The following ZNF148 variants were observed in gnomAD, a reference collection of about 807,000 sequenced individuals.
ZNF148 encodes the protein zinc finger protein 148, also known as Beta-Enolase Repressor Factor-1.
In ZNF148, 7 loss-of-function variants were observed where a neutral mutation model predicts 67.7. The observed-to-expected ratio is 0.10, with a 90% CI of 0.06 to 0.19. The LOEUF (loss-of-function observed/expected upper bound fraction) is 0.19, where lower values mean the gene tolerates loss of function less well. ZNF148 is among the 10% of genes least tolerant of loss of function. The pLI is 1.00. For synonymous variants in ZNF148, 333 were observed against 330.7 expected, an observed-to-expected ratio of 1.01 and a Z score of -0.08; for missense variants, 583 against 947.1, an observed-to-expected ratio of 0.62 and a Z score of 5.05.
At chr3:125,345,486 C>A (rs773285149) in intron 1 of ZNF148, among the ~76,000 whole-genome samples, 4 of 151,178 alleles carry the variant, frequency 2.6e-5, no homozygotes, top group Non-Finnish European at 5.9e-5. Context: ...CAAAATGAAG[C>A]CAAAGCAAGA....
Position 125,226,665 on chromosome 3 carries a change from T to C in ZNF148, c.*5676A>G, listed in dbSNP as rs1180184226. 1.3e-5 allele frequency: 2 copies of C among 152,542 alleles called. No homozygotes were observed. The highest frequency in any genetic ancestry group is 4.8e-5 in the African/African-American group (2 of 41,442). 9.4% of individuals were successfully genotyped at this position (152,542 alleles called of 1,614,324 possible). A position where few individuals can be genotyped will look rare whatever the true frequency, so the allele number is the denominator to read the frequency against. Reference sequence around the variant, plus strand: ...TGTATTATAAAGGCTCAGCAATTCATTCATGGCATAATATAGGGTCAAGCA... The same window carrying C: ...TGTATTATAAAGGCTCAGCAATTCACTCATGGCATAATATAGGGTCAAGCA... On this transcript the variant is annotated 3_prime_UTR_variant, in exon 9 of 9. Transcript: ENST00000360647.
rs185646230 is a variant in ZNF148, at chr3:125,250,189, G to A, written c.668-15860C>T. 8.2e-4 allele frequency among the ~76,000 whole-genome samples: 125 copies of A among 152,348 alleles called. 1 individual carries two copies. The highest frequency in any genetic ancestry group is 2.9e-3 in the African/African-American group (122 of 41,586). Reference sequence around the variant, plus strand: ...CACACACAAAAGATAGTTATGTGAAGTGATGGTTATGTTCATTAGTTTGAC... The same window carrying A: ...CACACACAAAAGATAGTTATGTGAAATGATGGTTATGTTCATTAGTTTGAC... On this transcript the variant is annotated intron_variant, in intron 7 of 8. Transcript: ENST00000360647.
chr3:125,373,326 G>GGTGATCC (rs1370800774), intron 1 of ZNF148, among the ~76,000 whole-genome samples: 1 of 151,462 alleles, frequency 6.6e-6, no homozygotes, highest in East Asian at 2.0e-4. Context: ...CCTGACCTCA[G>GGTGATCC]GTGATCCGCT....
At chr3:125,340,751 C>T (rs1364887943) in intron 1 of ZNF148, among the ~76,000 whole-genome samples, 1 of 151,974 alleles carries the variant, frequency 6.6e-6, no homozygotes, top group Non-Finnish European at 1.5e-5. Context: ...CTTTGGGAGG[C>T]CGAGGCGGGC....
At chr3:125,236,314 T>C (rs937777878) in intron 7 of ZNF148, among the ~76,000 whole-genome samples, 4 of 152,146 alleles carry the variant, frequency 2.6e-5, no homozygotes, top group African/African-American at 9.7e-5. Flanking sequence ...TCCTCCTGCC[T>C]TGCCCTCACA....
intron 4 of ZNF148, among the ~76,000 whole-genome samples, chr3:125,296,350 T>C (rs1410322480): frequency 6.6e-6 from 1 of 152,216 alleles, no homozygotes; most frequent in Non-Finnish European, 1.5e-5. Flanking sequence ...CTCAAATTCC[T>C]GGTCTCAAGA....
intron 1 of ZNF148, among the ~76,000 whole-genome samples, chr3:125,340,253 T>G (rs1941657674): frequency 2.6e-5 from 4 of 152,064 alleles, no homozygotes; most frequent in Non-Finnish European, 5.9e-5. Context: ...GCAACAACTC[T>G]CTGATGTTGT....
At chr3:125,359,143 T>C (rs1431473970) in intron 1 of ZNF148, among the ~76,000 whole-genome samples, 2 of 152,222 alleles carry the variant, frequency 1.3e-5, no homozygotes, top group Non-Finnish European at 1.5e-5. Flanking sequence ...TACAGCCAAG[T>C]TTCATGAGTT....
At chr3:125,365,221 C>T (rs1312452602) in intron 1 of ZNF148, among the ~76,000 whole-genome samples, 1 of 152,076 alleles carries the variant, frequency 6.6e-6, no homozygotes, top group African/African-American at 2.4e-5. Context: ...TAAAAATATA[C>T]CCTGAATGAA....
chr3:125,275,094 GT>G (rs1246515577), intron 7 of ZNF148, among the ~76,000 whole-genome samples: 3 of 152,166 alleles, frequency 2.0e-5, no homozygotes, highest in African/African-American at 7.2e-5. Flanking sequence ...ACATTTTACT[GT>G]CTTTAAAAAG....
Position 125,313,365 on chromosome 3 carries a change from C to T in ZNF148, c.276G>A (p.Glu92=). Reference sequence around the variant, plus strand: ...GAAGTCTTTCATGTGTTTCCATCTGCTCTTCATCATTTTTCACTGTCTCCT... The same window carrying T: ...GAAGTCTTTCATGTGTTTCCATCTGTTCTTCATCATTTTTCACTGTCTCCT... ...VHEETVKNDE[E]QMETHERLPQ... The change falls in exon 4 of 9, where the codon GAG becomes GAA. Residue 92 remains glutamate (E), a synonymous_variant. Coordinates refer to ENST00000360647, the MANE Select transcript of ZNF148 (RefSeq NM_021964.3). 1 of 1,614,072 alleles carries T rather than the reference C, an allele frequency of 6.2e-7. No homozygotes were observed. The highest frequency in any genetic ancestry group is 8.5e-7 in the Non-Finnish European group (1 of 1,179,974).
intron 1 of ZNF148, among the ~76,000 whole-genome samples, chr3:125,367,887 G>A (rs536771432): frequency 3.9e-5 from 6 of 152,294 alleles, no homozygotes; most frequent in African/African-American, 1.2e-4. Flanking sequence ...GTTTCAGGGG[G>A]CTCAACATCT....
At chr3:125,297,753 A>T (rs1295095993) in intron 4 of ZNF148, among the ~76,000 whole-genome samples, 1 of 145,722 alleles carries the variant, frequency 6.9e-6, no homozygotes, top group Non-Finnish European at 1.5e-5. Context: ...GACAAGATCA[A>T]ATAGCAAGGA....
rs530195145 is a variant in ZNF148 at position 125,368,323 on chromosome 3, TACTC to T, written c.-234+6775_-234+6778del. On this transcript the variant is annotated intron_variant, in intron 1 of 8. Coordinates refer to ENST00000360647, the MANE Select transcript of ZNF148 (RefSeq NM_021964.3). Reference sequence around the variant, plus strand: ...TAAGTTACTTTGGAAGGCTACCACTTACTCATTTATTCACTCCATCCATCCAACC... The same window carrying T: ...TAAGTTACTTTGGAAGGCTACCACTTATTTATTCACTCCATCCATCCAACC... Among the ~76,000 whole-genome samples the T allele has an allele frequency of 8.9e-4, 135 of 152,344 alleles. No individual in the cohort carries two copies. In the Middle Eastern group the frequency reaches 0.01, roughly 12 times the overall value.
rs1935633443 is a variant in ZNF148 at position 125,226,411 on chromosome 3, A to G, written c.*5930T>C. ...TATTTTTCAAACAGCCAGTGTCCAC[A>G]TTTAAAATGCAGAATTTGCAAATAT... is the stretch of plus-strand genomic sequence containing the variant. On this transcript the variant is annotated 3_prime_UTR_variant, in exon 9 of 9. Coordinates refer to ENST00000360647, the MANE Select transcript of ZNF148 (RefSeq NM_021964.3). 2.0e-5 allele frequency: 3 copies of G among 152,418 alleles called. No individual in the cohort carries two copies. The highest frequency in any genetic ancestry group is 2.0e-4 in the Admixed American group (3 of 15,282). 9.4% of individuals were successfully genotyped at this position (152,418 alleles called of 1,614,324 possible). A position where few individuals can be genotyped will look rare whatever the true frequency, so the allele number is the denominator to read the frequency against.
At position 125,316,152 on chromosome 3, in the gene ZNF148, A is replaced by C. The variant is rs535157411; in HGVS notation, c.-16-2496T>G. The stretch of plus-strand genomic sequence containing the variant: ...ATTTAACATAATGATCTCCAGTTTC[A>C]CCCGTGTTGTTGCAAATGACTGGAT... On this transcript the variant is annotated intron_variant, in intron 3 of 8. Transcript: ENST00000360647. Among the ~76,000 whole-genome samples the C allele has an allele frequency of 5.9e-5, 9 of 152,136 alleles. No individual in the cohort carries two copies. In the South Asian group the frequency reaches 1.5e-3, roughly 25 times the overall value.
intron 3 of ZNF148, among the ~76,000 whole-genome samples, chr3:125,315,309 T>TAG (rs2107678096): frequency 6.6e-6 from 1 of 152,168 alleles, no homozygotes; most frequent in Non-Finnish European, 1.5e-5. Context: ...CCTTAAAAAT[T>TAG]AGAAGAGATC....
chr3:125,278,975 G>T (rs1938222269), intron 6 of ZNF148, 149 bp downstream of exon 6: 2 of 793,980 alleles, frequency 2.5e-6, no homozygotes, highest in Non-Finnish European at 3.6e-6. Context: ...GTTTTTCCTG[G>T]TTTCCTTCTG....
chr3:125,309,285 T>G (rs1940067919), intron 4 of ZNF148, among the ~76,000 whole-genome samples: 1 of 152,184 alleles, frequency 6.6e-6, no homozygotes, highest in Admixed American at 6.5e-5. Flanking sequence ...GATTGCCTAC[T>G]ATAACCCAGG....
Sources: gnomAD v4.1 joint callset for allele counts (sites outside exome capture counted in the v4.1 genomes callset) on GRCh38, gnomAD v4.1.1 for gene constraint, MANE v1.5 for transcripts, NCBI Gene and HGNC (gene_info 2026-07-23, HGNC 2026-07-21) for gene names.